The following MID2 variants were observed in gnomAD, a reference collection of about 807,000 sequenced individuals.
MID2 encodes the protein midline 2, also known as probable E3 ubiquitin-protein ligase MID2.
A neutral mutation model predicts 46.1 loss-of-function variants in MID2; 13 were observed. The observed-to-expected ratio is 0.28, with a 90% CI of 0.18 to 0.45. The LOEUF (loss-of-function observed/expected upper bound fraction) is 0.45. Ranked by LOEUF, MID2 falls within the 20% of genes least tolerant of loss-of-function variation. The pLI, the probability that MID2 is intolerant of heterozygous loss-of-function variation, is 1.00. For synonymous variants in MID2, 199 were observed against 212.3 expected, an observed-to-expected ratio of 0.94 and a Z score of 0.55; for missense variants, 431 against 575.4, an observed-to-expected ratio of 0.75 and a Z score of 2.57.
chrX:107,917,527 GAGA>G lies in MID2; in HGVS notation c.1228_1230del (p.Glu410del). On this transcript the variant is annotated inframe_deletion, in exon 7 of 10. Coordinates refer to ENST00000262843, the MANE Select transcript of MID2 (RefSeq NM_012216.4). Reference sequence around the variant, plus strand: ...ACAGCCCCAAACCCACCATCTATCCGAGAAGAACTCTGTACTGCCTCCCATGAC... The same window carrying G: ...ACAGCCCCAAACCCACCATCTATCCGAGAACTCTGTACTGCCTCCCATGAC... 2 of 1,209,836 alleles carry G rather than the reference GAGA, an allele frequency of 1.7e-6. No individual in the cohort carries two copies. The highest frequency in any genetic ancestry group is 1.1e-6 in the Non-Finnish European group (1 of 894,296).
intron 7 of MID2, among the ~76,000 whole-genome samples, chrX:107,922,168 T>C (rs1933084265): frequency 8.9e-6 from 1 of 112,076 alleles, no homozygotes; most frequent in Admixed American, 9.5e-5. Flanking sequence ...CCTTCCTGCC[T>C]TTCTCCATTC....
intron 5 of MID2, among the ~76,000 whole-genome samples, chrX:107,912,231 T>G (rs1331518706): frequency 8.9e-6 from 1 of 112,072 alleles, no homozygotes; most frequent in Non-Finnish European, 1.9e-5. Flanking sequence ...TCCATTCTCT[T>G]TGTCTTTGTG....
chrX:107,828,911 G>T (rs1000902884), intron 1 of MID2, among the ~76,000 whole-genome samples: 1 of 111,879 alleles, frequency 8.9e-6, no homozygotes, highest in African/African-American at 3.3e-5. Flanking sequence ...ACGAAGTCTC[G>T]CTCTGTCACC....
intron 3 of MID2, among the ~76,000 whole-genome samples, chrX:107,859,640 G>A (rs185027661): frequency 2.1e-4 from 24 of 112,673 alleles, no homozygotes; most frequent in African/African-American, 6.8e-4. Context: ...ATGTAAATGC[G>A]TGATGACAAG....
intron 6 of MID2, among the ~76,000 whole-genome samples, chrX:107,917,188 C>T (rs1053200948): frequency 7.2e-5 from 8 of 111,217 alleles, no homozygotes; most frequent in Non-Finnish European, 1.1e-4. Flanking sequence ...AGTTGAAGAC[C>T]GTATGTTAAG....
Position 107,905,508 on chromosome X carries a change from G to C in MID2, c.955G>C (p.Val319Leu). ...GAAACTGAGAAAGTTGGCACAGCAG[G>C]TTGCTAATTGCCGCCAGTGTCTTGA... ...VMKLRKLAQQ[V>L]ANCRQCLERS... Residue 319 changes from valine to leucine, a missense_variant, in exon 5 of 10, where the codon GTT becomes CTT. Transcript: ENST00000262843. 8.3e-7 allele frequency: 1 copy of C among 1,206,255 alleles called. No homozygotes were observed. Among genetic ancestry groups the C allele is most frequent in the Non-Finnish European group, 1.1e-6 (1 of 892,324 alleles).
chrX:107,917,802 C>T lies in MID2; in HGVS notation c.1435+63C>T. On this transcript the variant is annotated intron_variant, in intron 7 of 9. Transcript: ENST00000262843. The stretch of plus-strand genomic sequence containing the variant: ...GTGTTTCATAGACAGTGTAAGCTCC[C>T]CAGGGCATTGCAAAGACCTTACTGA... 3 of 1,026,516 alleles carry T rather than the reference C, an allele frequency of 2.9e-6. No individual in the cohort carries two copies. The Admixed American group carries it at 7.0e-5, about 24-fold the overall frequency. The allele number at this position is 1,026,516 out of a possible 1,213,427, so 84.6% of individuals were successfully genotyped here. A position where few individuals can be genotyped will look rare whatever the true frequency, so the allele number is the denominator to read the frequency against.
chrX:107,875,945 G>A (rs1157930523), intron 3 of MID2, among the ~76,000 whole-genome samples: 1 of 111,461 alleles, frequency 9.0e-6, no homozygotes, highest in Non-Finnish European at 1.9e-5. Context: ...ACAGAGAGGA[G>A]CCCTGGGACC....
At chrX:107,889,824 T>G (rs1425085995) in intron 3 of MID2, among the ~76,000 whole-genome samples, 4 of 111,917 alleles carry the variant, frequency 3.6e-5, no homozygotes, top group Non-Finnish European at 7.5e-5. Context: ...TTTCTTTTTT[T>G]TCTTTTTTCT....
chrX:107,834,978 A>T (rs1931173906), intron 1 of MID2, among the ~76,000 whole-genome samples: 1 of 111,633 alleles, frequency 9.0e-6, no homozygotes, highest in Non-Finnish European at 1.9e-5. Flanking sequence ...TAATTTTAGA[A>T]CCTTTTCATC....
intron 1 of MID2, among the ~76,000 whole-genome samples, chrX:107,836,428 A>G (rs1457730803): frequency 1.8e-5 from 2 of 110,378 alleles, no homozygotes; most frequent in Non-Finnish European, 3.8e-5. Context: ...AATTTTTTGT[A>G]TTTTAGTAGA....
intron 2 of MID2, among the ~76,000 whole-genome samples, chrX:107,847,073 AGG>A (rs1488277571): frequency 8.9e-6 from 1 of 112,563 alleles, no homozygotes; most frequent in Non-Finnish European, 1.9e-5. Context: ...TGATATAATG[AGG>A]TAATGCCTTA....
Position 107,911,281 on chromosome X carries a change from T to C in MID2, c.1074-4721T>C, listed in dbSNP as rs768048021. Among the ~76,000 whole-genome samples the C allele has an allele frequency of 2.7e-5, 3 of 111,921 alleles. No individual in the cohort carries two copies. The East Asian group carries it at 8.4e-4, about 32-fold the overall frequency. The stretch of plus-strand genomic sequence containing the variant: ...GCTAATAATTTCCTCCCCTTTATTC[T>C]TTCTCTTCTTTGTTTATGGGACTTT... On this transcript the variant is annotated intron_variant, in intron 5 of 9. Coordinates refer to ENST00000262843, the MANE Select transcript of MID2 (RefSeq NM_012216.4).
intron 3 of MID2, among the ~76,000 whole-genome samples, chrX:107,855,131 C>T (rs1931713172): frequency 1.8e-5 from 2 of 111,266 alleles, no homozygotes; most frequent in Admixed American, 9.6e-5. Flanking sequence ...ATTATCAGGA[C>T]TGCTTCTCCT....
intron 3 of MID2, among the ~76,000 whole-genome samples, chrX:107,889,946 C>T (rs58256342): frequency 9.9e-4 from 111 of 112,048 alleles, no homozygotes; most frequent in African/African-American, 3.4e-3. Context: ...ACATAGTTCT[C>T]GTGCCATGGT....
intron 1 of MID2, among the ~76,000 whole-genome samples, chrX:107,839,319 TAG>T (rs1931277608): frequency 9.0e-6 from 1 of 110,660 alleles, no homozygotes; most frequent in Non-Finnish European, 1.9e-5. Context: ...GAAAAATAGA[TAG>T]AGTTACCAAG....
chrX:107,845,523 A>ACTCTCTCTCTCTCTCTCTCTCT (rs1193188324), intron 2 of MID2, among the ~76,000 whole-genome samples: 1 of 85,954 alleles, frequency 1.2e-5, no homozygotes, highest in African/African-American at 7.2e-5. Context: ...ACACACACAC[A>ACTCTCTCTCTCTCTCTCTCTCT]CACTCTCTCT....
chrX:107,838,235 A>G (rs1240103784), intron 1 of MID2, among the ~76,000 whole-genome samples: 1 of 111,966 alleles, frequency 8.9e-6, no homozygotes, highest in South Asian at 3.8e-4. Context: ...ATTTATAGAC[A>G]TGTTGAGTTT....
rs1268882260 is a variant in MID2, at chrX:107,929,198, C to T, written c.*2125C>T. Among the ~76,000 whole-genome samples, 1 of 111,939 alleles carries T rather than the reference C, an allele frequency of 8.9e-6. No individual in the cohort carries two copies. The highest frequency in any genetic ancestry group is 9.5e-5 in the Admixed American group (1 of 10,523). ...TTCCTTACTCCCAGCTCCAATACAG[C>T]GTAACAGTGCTTTAAAATGTATGTC... On this transcript the variant is annotated 3_prime_UTR_variant, in exon 10 of 10. Transcript: ENST00000262843.
Sources: allele counts gnomAD v4.1 joint callset (sites outside exome capture counted in the v4.1 genomes callset), GRCh38; gene constraint gnomAD v4.1.1; transcripts MANE v1.5; gene names NCBI Gene and HGNC (gene_info 2026-07-23, HGNC 2026-07-21).